Variants in HERC4 observed in about 807,000 individuals in gnomAD.
HERC4 encodes the protein probable E3 ubiquitin-protein ligase HERC4.
In HERC4, 28 loss-of-function variants were observed where a neutral mutation model predicts 124.3. The ratio of observed to expected loss-of-function variants is 0.23; its 90% confidence interval spans 0.17 to 0.31. The LOEUF is 0.31. HERC4 is among the 10% of genes least tolerant of loss of function. HERC4 has a pLI of 1.00. For synonymous variants in HERC4, 407 were observed against 421.5 expected (o/e 0.97, Z 0.42); for missense variants, 713 against 1,229.3 (o/e 0.58, Z 6.28).
intron 3 of HERC4, among the ~76,000 whole-genome samples, chr10:68,062,897 C>A (rs1185004041): frequency 6.6e-6 from 1 of 152,056 alleles, no homozygotes; most frequent in Non-Finnish European, 1.5e-5. Context: ...AATAGATATT[C>A]ACCAAATTAA....
At chr10:67,989,501 C>T (rs535466114) in intron 14 of HERC4, among the ~76,000 whole-genome samples, 1 of 152,038 alleles carries the variant, frequency 6.6e-6, no homozygotes, top group Admixed American at 6.6e-5. Context: ...CATATTCTAC[C>T]CCTTGCTTGT....
chr10:67,951,505 TG>T (rs1439104485), intron 19 of HERC4, among the ~76,000 whole-genome samples: 2 of 152,238 alleles, frequency 1.3e-5, no homozygotes, highest in Admixed American at 6.5e-5. Flanking sequence ...ACCCTTTCAC[TG>T]TTTGTTCTGG....
intron 15 of HERC4, among the ~76,000 whole-genome samples, chr10:67,975,853 G>A (rs1175423389): frequency 6.6e-6 from 1 of 151,962 alleles, no homozygotes; most frequent in Non-Finnish European, 1.5e-5. Context: ...CTTTATATCT[G>A]TGGCCAGGAT....
intron 9 of HERC4, among the ~76,000 whole-genome samples, chr10:68,005,494 C>T (rs2037485889): frequency 6.6e-6 from 1 of 152,096 alleles, no homozygotes; most frequent in South Asian, 2.1e-4. Context: ...TCCAGCCAGC[C>T]ACTCAGTGTC....
At chr10:68,041,011 C>T (rs567642251) in intron 4 of HERC4, among the ~76,000 whole-genome samples, 23 of 152,076 alleles carry the variant, frequency 1.5e-4, no homozygotes, top group African/African-American at 5.5e-4. Flanking sequence ...TCCTTTGGGA[C>T]TCTGCTAAAG....
At chr10:67,982,587 C>A (rs2035996146) in intron 15 of HERC4, among the ~76,000 whole-genome samples, 2 of 152,134 alleles carry the variant, frequency 1.3e-5, no homozygotes, top group East Asian at 1.9e-4. Context: ...TAATGCCCCA[C>A]AAGCACATGC....
At chr10:67,957,368 T>C (rs188499863) in intron 16 of HERC4, among the ~76,000 whole-genome samples, 4 of 152,328 alleles carry the variant, frequency 2.6e-5, no homozygotes, top group Admixed American at 1.3e-4. Flanking sequence ...AAGTAATCTG[T>C]CTATTCCTTC....
chr10:67,957,284 T>C (rs961587085), intron 16 of HERC4, among the ~76,000 whole-genome samples: 1 of 152,180 alleles, frequency 6.6e-6, no homozygotes. Flanking sequence ...TGTTCTAAAA[T>C]TGGGGGCTCC....
At chr10:67,970,052 T>C (rs1306107615) in intron 15 of HERC4, among the ~76,000 whole-genome samples, 9 of 152,140 alleles carry the variant, frequency 5.9e-5, no homozygotes, top group Admixed American at 3.3e-4. Flanking sequence ...ACCCTAAACA[T>C]TGTACTACAG....
intron 15 of HERC4, among the ~76,000 whole-genome samples, chr10:67,976,503 T>C (rs1021341547): frequency 2.0e-5 from 3 of 152,024 alleles, no homozygotes; most frequent in Non-Finnish European, 4.4e-5. Flanking sequence ...GGTGAAGCAA[T>C]AGGGCAAAAT....
chr10:68,050,574 A>G (rs2040245370), intron 3 of HERC4, among the ~76,000 whole-genome samples: 1 of 151,152 alleles, frequency 6.6e-6, no homozygotes. Flanking sequence ...TCAGCAATAC[A>G]TTATTATAAA....
chr10:67,957,933 G>A (rs1234704429), intron 16 of HERC4, among the ~76,000 whole-genome samples: 4 of 151,900 alleles, frequency 2.6e-5, no homozygotes, highest in East Asian at 1.9e-4. Flanking sequence ...TCAGCCTCCC[G>A]AGTAGCTGGG....
At chr10:67,996,164 A>G (rs1434423255) in intron 9 of HERC4, 1 of 449,374 alleles carries the variant, frequency 2.2e-6, no homozygotes, top group Admixed American at 2.4e-5. Context: ...AAAATTGGTT[A>G]AGCGTGGTGG....
rs1209802723 is a variant in HERC4, at chr10:67,954,673, G to C, written c.2259C>G (p.Ile753Met). ...ATTTAGGATCCAATAATTCCCTCAT[G>C]ATGAGCAAGAAAAATTCTTTGCGCA... The part of the protein sequence containing the change: ...GGVRKEFFLL[I>M]MRELLDPKYG... Residue 753 changes from isoleucine (I) to methionine (M), a missense_variant, in exon 19 of 25, where the codon ATC becomes ATG. Coordinates refer to ENST00000373700, the MANE Select transcript of HERC4 (RefSeq NM_015601.4). 7 of 1,613,642 alleles carry C rather than the reference G, an allele frequency of 4.3e-6. No individual in the cohort carries two copies. Among genetic ancestry groups the C allele is most frequent in the East Asian group, 2.2e-5 (1 of 44,850 alleles).
intron 9 of HERC4, among the ~76,000 whole-genome samples, chr10:68,001,475 G>T (rs1466223356): frequency 6.6e-6 from 1 of 152,062 alleles, no homozygotes; most frequent in Non-Finnish European, 1.5e-5. Flanking sequence ...TTAACCTCTG[G>T]ATGGGCTAGA....
chr10:68,050,913 TC>T (rs574404732), intron 3 of HERC4, among the ~76,000 whole-genome samples: 20 of 152,236 alleles, frequency 1.3e-4, no homozygotes, highest in Admixed American at 4.6e-4. Context: ...CCAGTAATGT[TC>T]CGTGTAAGAA....
chr10:67,936,060 T>C, intron 22 of HERC4, 93 bp downstream of exon 22: 1 of 736,720 alleles, frequency 1.4e-6, no homozygotes. Context: ...TTTATTGGAG[T>C]AAAAGCTTAG....
chr10:68,049,785 C>T (rs2040204690), intron 3 of HERC4, among the ~76,000 whole-genome samples: 1 of 151,878 alleles, frequency 6.6e-6, no homozygotes, highest in South Asian at 2.1e-4. Flanking sequence ...GGGGCAAATG[C>T]TTGTAGTTTC....
At chr10:68,039,806 A>T (rs1355720466) in intron 4 of HERC4, 1 of 1,106,336 alleles carries the variant, frequency 9.0e-7, no homozygotes, top group East Asian at 5.7e-5. Context: ...TATGCATACT[A>T]GGCAGATGAT....
Sources: gnomAD v4.1 joint callset for allele counts (sites outside exome capture counted in the v4.1 genomes callset) on GRCh38, gnomAD v4.1.1 for gene constraint, MANE v1.5 for transcripts, NCBI Gene and HGNC (gene_info 2026-07-23, HGNC 2026-07-21) for gene names.